Variants in GDAP1L1 observed in about 807,000 individuals in gnomAD.
The protein encoded by GDAP1L1 is ganglioside-induced differentiation-associated protein 1-like 1.
Under a neutral mutation model 37.1 loss-of-function variants are expected in GDAP1L1, and 21 were observed. The ratio of observed to expected loss-of-function variants is 0.57; its 90% CI spans 0.40 to 0.81. The LOEUF is 0.81. Among genes scored for constraint, GDAP1L1 ranks in the 40% least tolerant of loss-of-function variants. GDAP1L1 has a pLI of 0.00. For synonymous variants in GDAP1L1, 193 were observed against 209.1 expected, an observed-to-expected ratio of 0.92 and a Z score of 0.67; for missense variants, 362 against 491.6, an observed-to-expected ratio of 0.74 and a Z score of 2.49.
chr20:44,272,828 TCA>T (rs1290388629), intron 5 of GDAP1L1, among the ~76,000 whole-genome samples: 1 of 152,202 alleles, frequency 6.6e-6, no homozygotes, highest in Non-Finnish European at 1.5e-5. Flanking sequence ...TAAACTGCAC[TCA>T]CATGTGTGGT....
In GDAP1L1 at chr20:44,247,800, G is replaced by C. The variant is rs569953310; in HGVS notation, c.180+286G>C. ...GTTGGGGTGCGGGGCGGGTTGGGGG[G>C]GCTGAGAAAAGAGACAAAGGCGAGG... On this transcript the variant is annotated intron_variant, in intron 1 of 5. Transcript: ENST00000342560. Among the ~76,000 whole-genome samples the C allele has an allele frequency of 1.7e-4, 25 of 148,792 alleles. No homozygotes were observed. The East Asian group carries it at 3.4e-3, about 20-fold the overall frequency.
chr20:44,279,354 C>T lies in GDAP1L1; in HGVS notation c.*54C>T. On this transcript the variant is annotated 3_prime_UTR_variant, in exon 6 of 6. Coordinates refer to ENST00000342560, the MANE Select transcript of GDAP1L1 (RefSeq NM_024034.6). ...GTCGGTGTCTCTGTGCTGTGTGATT[C>T]CCCGTGAGCTCTCAGTAACTCACTG... The T allele has an allele frequency of 8.6e-7, 1 of 1,161,368 alleles. No individual in the cohort carries two copies. Among genetic ancestry groups the T allele is most frequent in the East Asian group, 2.3e-5 (1 of 42,790 alleles). The allele number at this position is 1,161,368 out of a possible 1,614,324, so 71.9% of individuals were successfully genotyped here. A position where few individuals can be genotyped will look rare whatever the true frequency, so the allele number is the denominator to read the frequency against.
intron 5 of GDAP1L1, among the ~76,000 whole-genome samples, chr20:44,274,487 T>C (rs1316287950): frequency 6.6e-6 from 1 of 152,184 alleles, no homozygotes; most frequent in African/African-American, 2.4e-5. Context: ...CTCCAGCTGC[T>C]CTTGCCAGGG....
At chr20:44,266,189 T>C (rs1458849077) in intron 5 of GDAP1L1, among the ~76,000 whole-genome samples, 2 of 152,044 alleles carry the variant, frequency 1.3e-5, no homozygotes, top group Non-Finnish European at 2.9e-5. Context: ...GTTCCTGTAA[T>C]CCCAGCTACT....
intron 1 of GDAP1L1, among the ~76,000 whole-genome samples, chr20:44,256,596 G>T (rs980025874): frequency 1.3e-5 from 2 of 151,976 alleles, no homozygotes; most frequent in South Asian, 2.1e-4. Flanking sequence ...GGAGGCAGAG[G>T]TTGCAGAGAG....
chr20:44,276,168 CAA>C (rs58388010), intron 5 of GDAP1L1, among the ~76,000 whole-genome samples: 12 of 137,592 alleles, frequency 8.7e-5, no homozygotes, highest in African/African-American at 1.1e-4. Flanking sequence ...GTAAAAATAC[CAA>C]AAAAAAAAAA....
intron 5 of GDAP1L1, among the ~76,000 whole-genome samples, chr20:44,273,425 TG>T: frequency 1.3e-5 from 2 of 152,308 alleles, no homozygotes; most frequent in Admixed American, 1.3e-4. Flanking sequence ...AGTCTGCAGC[TG>T]GGGACTTACG....
intron 5 of GDAP1L1, among the ~76,000 whole-genome samples, chr20:44,277,411 G>T (rs556175316): frequency 1.3e-5 from 2 of 152,234 alleles, no homozygotes; most frequent in South Asian, 2.1e-4. Flanking sequence ...AAGGCCCTGT[G>T]GTAGGAATGT....
chr20:44,269,840 C>T (rs113671832), intron 5 of GDAP1L1, among the ~76,000 whole-genome samples: 2 of 152,124 alleles, frequency 1.3e-5, no homozygotes, highest in Admixed American at 6.5e-5. Context: ...CTGAGGCAGG[C>T]GAATGGCTTG....
rs528847582 is a variant in GDAP1L1 at position 44,257,117 on chromosome 20, C to T, written c.181-36C>T. 20 of 1,522,288 alleles carry T rather than the reference C, an allele frequency of 1.3e-5. No individual in the cohort carries two copies. In the African/African-American group the frequency reaches 1.5e-4, roughly 11 times the overall value. 94.3% of individuals were successfully genotyped at this position (1,522,288 alleles called of 1,614,324 possible). A position where few individuals can be genotyped will look rare whatever the true frequency, so the allele number is the denominator to read the frequency against. ...ACCTGGGCAGAGTGTCCCCTGTGTC[C>T]GCCCGCCTTCCCCGCTCTGACCCTG... On this transcript the variant is annotated intron_variant, in intron 1 of 5. Transcript: ENST00000342560.
intron 5 of GDAP1L1, among the ~76,000 whole-genome samples, chr20:44,267,367 T>C (rs1448112498): frequency 1.3e-5 from 2 of 152,130 alleles, no homozygotes; most frequent in African/African-American, 4.8e-5. Context: ...CCCAACACTT[T>C]GGGAGGCTGA....
chr20:44,265,540 A>T, intron 5 of GDAP1L1: 5 of 944,288 alleles, frequency 5.3e-6, no homozygotes, highest in Non-Finnish European at 5.0e-6. Flanking sequence ...GAAAAACTTG[A>T]AATAGAGTTC....
At chr20:44,263,822 C>T (rs2073715757) in intron 4 of GDAP1L1, among the ~76,000 whole-genome samples, 2 of 151,840 alleles carry the variant, frequency 1.3e-5, no homozygotes, top group African/African-American at 2.4e-5. Flanking sequence ...CTAGCCTGGG[C>T]AACAGAGTGA....
rs1274170464 is a variant in GDAP1L1 at position 44,279,458 on chromosome 20, T to C, written c.*158T>C. 6 of 713,152 alleles carry C rather than the reference T, an allele frequency of 8.4e-6. No homozygotes were observed. Among genetic ancestry groups the C allele is most frequent in the Non-Finnish European group, 1.3e-5 (5 of 386,296 alleles). 44.2% of individuals were successfully genotyped at this position (713,152 alleles called of 1,614,324 possible). On this transcript the variant is annotated 3_prime_UTR_variant, in exon 6 of 6. Coordinates refer to ENST00000342560, the MANE Select transcript of GDAP1L1 (RefSeq NM_024034.6). The stretch of plus-strand genomic sequence containing the variant: ...GTCAGTGTGAAAACATTCCGTAGTT[T>C]AGAAGTAGACGTTGCCAATGCTGTG...
chr20:44,255,187 C>T (rs765066155), intron 1 of GDAP1L1, among the ~76,000 whole-genome samples: 16 of 152,040 alleles, frequency 1.1e-4, no homozygotes, highest in Non-Finnish European at 1.3e-4. Flanking sequence ...ATCCTCACAG[C>T]GGGCCTCCGA....
chr20:44,248,391 G>A (rs972504412), intron 1 of GDAP1L1, among the ~76,000 whole-genome samples: 12 of 152,372 alleles, frequency 7.9e-5, no homozygotes, highest in African/African-American at 2.2e-4. Flanking sequence ...AGGGGCCTAA[G>A]CGGCACCACT....
At chr20:44,267,477 G>C (rs2062466305) in intron 5 of GDAP1L1, among the ~76,000 whole-genome samples, 2 of 152,118 alleles carry the variant, frequency 1.3e-5, no homozygotes, top group South Asian at 4.1e-4. Context: ...TGGGCATGGT[G>C]GTGGGCACCT....
intron 5 of GDAP1L1, among the ~76,000 whole-genome samples, chr20:44,271,396 T>C (rs960186832): frequency 2.0e-5 from 3 of 151,834 alleles, no homozygotes; most frequent in Admixed American, 1.3e-4. Flanking sequence ...CGTGGGAGGA[T>C]TGGGTTTTAA....
chr20:44,247,297 G>A (rs199890970), upstream of GDAP1L1: 58 of 1,607,632 alleles, frequency 3.6e-5, no homozygotes, highest in Middle Eastern at 1.7e-4. Flanking sequence ...CCGCCGCGCC[G>A]GAGCCTCCTT....
Sources: gnomAD v4.1 joint callset for allele counts (sites outside exome capture counted in the v4.1 genomes callset) on GRCh38, gnomAD v4.1.1 for gene constraint, MANE v1.5 for transcripts, NCBI Gene and HGNC (gene_info 2026-07-23, HGNC 2026-07-21) for gene names.